The following EIF2D variants were observed in gnomAD, a reference collection of about 807,000 sequenced individuals.
EIF2D encodes the protein eukaryotic translation initiation factor 2D.
In EIF2D, 56 loss-of-function variants were observed where a neutral mutation model predicts 77.4. The ratio of observed to expected loss-of-function variants is 0.72; its 90% CI spans 0.58 to 0.90. EIF2D has a LOEUF of 0.90. Ranked by LOEUF, EIF2D falls within the 40% of genes least tolerant of loss-of-function variation. The probability of loss-of-function intolerance (pLI) is 0.00; values close to 1 mark genes in which losing one functional copy is unlikely to be tolerated. For missense variants in EIF2D, 574 were observed against 706.5 expected (o/e 0.81, Z 2.13); for synonymous variants, 230 against 271.0 (o/e 0.85, Z 1.49).
intron 7 of EIF2D, chr1:206,601,545 T>A (rs1444904282): frequency 6.6e-6 from 1 of 152,228 alleles, no homozygotes; most frequent in Non-Finnish European, 1.5e-5. Context: ...TACTCCAGCC[T>A]GGGTGACAGA....
At chr1:206,581,560 C>T (rs1320717682) in intron 2 of EIF2D, among the ~76,000 whole-genome samples, 1 of 151,512 alleles carries the variant, frequency 6.6e-6, no homozygotes, top group Non-Finnish European at 1.5e-5. Flanking sequence ...GATCGTGCCA[C>T]TGCATTCCAG....
At chr1:206,605,975 G>T (rs17012566) in intron 4 of EIF2D, among the ~76,000 whole-genome samples, 3,728 of 152,246 alleles carry the variant, frequency 0.024, 96 homozygotes, top group South Asian at 0.076. Context: ...CACATAGTGG[G>T]GCCAACTAGA....
downstream of EIF2D, among the ~76,000 whole-genome samples, chr1:206,590,881 T>C (rs1179163510): frequency 2.0e-5 from 3 of 152,292 alleles, no homozygotes; most frequent in Non-Finnish European, 4.4e-5. Context: ...CCTCCTATTA[T>C]ACAAGGAGAG....
chr1:206,609,045 C>A (rs1335946422), intron 3 of EIF2D, among the ~76,000 whole-genome samples: 6 of 150,866 alleles, frequency 4.0e-5, no homozygotes, highest in Non-Finnish European at 7.4e-5. Context: ...GAGTGAGACT[C>A]CATCTCAAAA....
rs117617854 is a variant in EIF2D at position 206,584,760 on chromosome 1, G to A, written c.139-3598C>T. 19,040 of 1,504,646 alleles carry A rather than the reference G, an allele frequency of 0.013. 297 individuals carry two copies. Among genetic ancestry groups the A allele is most frequent in the South Asian group, 0.059 (4,893 of 83,622 alleles). 93.2% of individuals were successfully genotyped at this position (1,504,646 alleles called of 1,614,324 possible). On this transcript the variant is annotated intron_variant and NMD_transcript_variant, in intron 2 of 5. Coordinates refer to the EIF2D transcript ENST00000472709. This position sits in a 1 kb window ranked among gnomAD's most constrained non-coding sequence, Gnocchi z 4.9. ...AAGCCCACCCACTAAAACTCCTGCC[G>A]GCCTTGGGTGGGAGCTGTGGGCTTC...
intron 5 of EIF2D, 188 bp downstream of exon 5, chr1:206,605,212 C>T: frequency 2.1e-6 from 1 of 479,256 alleles, no homozygotes; most frequent in Admixed American, 3.6e-5. Context: ...AAATAAAGTT[C>T]TCTCTCATTA....
rs1553412177 is a variant in EIF2D at position 206,604,400 on chromosome 1, G to A, written c.530+1000C>T. On this transcript the variant is annotated intron_variant, in intron 5 of 14. Coordinates refer to ENST00000271764, the MANE Select transcript of EIF2D (RefSeq NM_006893.3). The stretch of plus-strand genomic sequence containing the variant: ...AGAGGTTGCAGTGAGCTGAGATTGC[G>A]CCACTGCACTCCAGCCTGGGCAACA... Among the ~76,000 whole-genome samples the A allele has an allele frequency of 5.9e-5, 9 of 151,266 alleles. 1 individual carries two copies. The South Asian group carries it at 1.9e-3, about 32-fold the overall frequency.
chr1:206,603,707 A>G (rs1315131435), intron 5 of EIF2D, among the ~76,000 whole-genome samples: 2 of 152,190 alleles, frequency 1.3e-5, no homozygotes, highest in African/African-American at 4.8e-5. Flanking sequence ...TGTTACATCA[A>G]ATGCAGTCTA....
Position 206,595,588 on chromosome 1 carries a change from C to T in EIF2D, c.1509+130G>A, listed in dbSNP as rs140308909. On this transcript the variant is annotated intron_variant, in intron 13 of 14. Transcript: ENST00000271764. ...AGAGCCCAGCCCAGGCACATAAACA[C>T]GGGTGTTTCATAAAAAAATCTTTGA... The T allele has an allele frequency of 1.5e-3, 1,715 of 1,167,444 alleles. 4 individuals carry two copies. Among genetic ancestry groups the T allele is most frequent in the Middle Eastern group, 3.3e-3 (11 of 3,286 alleles). 72.3% of individuals were successfully genotyped at this position (1,167,444 alleles called of 1,614,324 possible). A position where few individuals can be genotyped will look rare whatever the true frequency, so the allele number is the denominator to read the frequency against.
At chr1:206,602,054 C>A (rs576071871) in intron 7 of EIF2D, 130 of 362,330 alleles carry the variant, frequency 3.6e-4, no homozygotes, top group African/African-American at 2.3e-3. Context: ...AGAACCCCCA[C>A]GGCAGAGGCA....
chr1:206,609,516 A>G (rs1453245104), intron 2 of EIF2D, 57 bp from the exon 3 acceptor site: 2 of 1,432,476 alleles, frequency 1.4e-6, no homozygotes, highest in East Asian at 4.5e-5. Context: ...TTCTAGAGAA[A>G]TGGAAAAACC....
downstream of EIF2D, chr1:206,587,147 GTTCAGCTGT>G (rs1669151311): frequency 5.3e-6 from 4 of 755,242 alleles, no homozygotes; most frequent in Non-Finnish European, 8.7e-6. Flanking sequence ...TTGCACGAGG[GTTCAGCTGT>G]GCCCGCCCCC....
At chr1:206,598,940 G>A (rs1669784655) in intron 11 of EIF2D, 63 bp downstream of exon 11, 6 of 1,510,846 alleles carry the variant, frequency 4.0e-6, no homozygotes, top group Non-Finnish European at 4.6e-6. Flanking sequence ...CTCCCCAAAT[G>A]TGTCTATGTC....
chr1:206,596,739 G>A (rs1190792280), intron 12 of EIF2D, among the ~76,000 whole-genome samples: 1 of 152,072 alleles, frequency 6.6e-6, no homozygotes, highest in African/African-American at 2.4e-5. Context: ...AGGCTGGGGT[G>A]CAGTGACATG....
intron 14 of EIF2D, 109 bp from the exon 15 acceptor site, chr1:206,591,954 A>C: frequency 4.6e-6 from 5 of 1,082,502 alleles, no homozygotes; most frequent in Non-Finnish European, 7.1e-6. Context: ...GCTCAAACTC[A>C]ACTTCGGGAC....
intron 4 of EIF2D, among the ~76,000 whole-genome samples, chr1:206,606,581 C>A (rs1670212739): frequency 6.6e-6 from 1 of 152,178 alleles, no homozygotes; most frequent in Admixed American, 6.5e-5. Flanking sequence ...GTAACACCAT[C>A]ATTCTTTTCA....
chr1:206,571,707 A>T (rs1177469415), intron 5 of EIF2D, among the ~76,000 whole-genome samples: 3 of 152,242 alleles, frequency 2.0e-5, no homozygotes, highest in African/African-American at 7.2e-5. Context: ...GCAGGAGGCC[A>T]ATTCTGTCAG....
chr1:206,582,775 G>A (rs781925918), intron 2 of EIF2D, among the ~76,000 whole-genome samples: 19 of 152,306 alleles, frequency 1.2e-4, no homozygotes, highest in Admixed American at 4.6e-4. Flanking sequence ...TTGTCTTCCC[G>A]ATCAGTAGTA....
chr1:206,578,413 C>A (rs1235873106), intron 4 of EIF2D, among the ~76,000 whole-genome samples: 2 of 152,026 alleles, frequency 1.3e-5, no homozygotes, highest in Non-Finnish European at 2.9e-5. Flanking sequence ...ATGAAATGAG[C>A]TAATACATGC....
Sources: gnomAD v4.1 joint callset for allele counts (sites outside exome capture counted in the v4.1 genomes callset) on GRCh38, gnomAD v4.1.1 for gene constraint, Gnocchi (gnomAD v3.1) non-coding constraint, MANE v1.5 for transcripts, NCBI Gene and HGNC (gene_info 2026-07-23, HGNC 2026-07-21) for gene names.